The following EML6 variants were observed in gnomAD, a reference collection of about 807,000 sequenced individuals.
EML6 encodes the protein EMAP like 6, also known as echinoderm microtubule-associated protein-like 6.
In EML6, 154 loss-of-function variants were observed where a neutral mutation model predicts 240.1. That is an observed-to-expected ratio of 0.64 (90% CI 0.56 to 0.73). The LOEUF is 0.73. EML6 is among the 30% of genes least tolerant of loss of function. The probability of loss-of-function intolerance (pLI) is 0.00; values close to 1 mark genes in which losing one functional copy is unlikely to be tolerated. For missense variants in EML6, 2,964 were observed against 2,474.6 expected (o/e 1.20, Z -4.20); for synonymous variants, 1,148 against 899.0 (o/e 1.28, Z -4.95).
Position 54,955,996 on chromosome 2 carries a change from A to T in EML6, c.4487-1794A>T, listed in dbSNP as rs115343182. Among the ~76,000 whole-genome samples the T allele has an allele frequency of 5.0e-3, 749 of 150,354 alleles. 4 individuals are homozygous for T. The highest frequency in any genetic ancestry group is 8.2e-3 in the Non-Finnish European group (553 of 67,498). ...AGAGCCTATTATTCATTCTTCATTT[A>T]TTAGAGGATTGTTTTGGGGAACGTG... On this transcript the variant is annotated intron_variant, in intron 32 of 41. Transcript: ENST00000356458.
intron 28 of EML6, among the ~76,000 whole-genome samples, chr2:54,932,851 G>A (rs563051452): frequency 4.6e-5 from 7 of 152,188 alleles, no homozygotes; most frequent in East Asian, 1.9e-4. Context: ...TTCTTTTCAC[G>A]TTACCAAAGT....
At chr2:54,932,433 C>G (rs1000574383) in intron 28 of EML6, among the ~76,000 whole-genome samples, 1 of 152,188 alleles carries the variant, frequency 6.6e-6, no homozygotes, top group African/African-American at 2.4e-5. Context: ...TCCTTCATCC[C>G]CAGCCGACTT....
intron 28 of EML6, among the ~76,000 whole-genome samples, chr2:54,933,657 A>G (rs1414728099): frequency 1.3e-5 from 2 of 152,086 alleles, no homozygotes; most frequent in Non-Finnish European, 1.5e-5. Context: ...GCTTGAACCC[A>G]GGAGGCAGAG....
At chr2:54,868,636 C>G (rs1224753203) in intron 14 of EML6, 1 of 152,218 alleles carries the variant, frequency 6.6e-6, no homozygotes, top group Non-Finnish European at 1.5e-5. Flanking sequence ...TCCATTAAGT[C>G]TCTGTACAAT....
At chr2:54,786,245 G>A (rs1558546333) in intron 2 of EML6, among the ~76,000 whole-genome samples, 3 of 152,114 alleles carry the variant, frequency 2.0e-5, no homozygotes, top group Non-Finnish European at 4.4e-5. Flanking sequence ...TGTCTTCAAG[G>A]AGGGTCATTC....
intron 33 of EML6, among the ~76,000 whole-genome samples, chr2:54,958,256 A>G (rs1360093484): frequency 1.3e-5 from 2 of 152,120 alleles, no homozygotes; most frequent in African/African-American, 4.8e-5. Flanking sequence ...CAGTGGCGCA[A>G]TCTCGGCTCA....
intron 2 of EML6, among the ~76,000 whole-genome samples, chr2:54,726,265 T>A (rs1682903164): frequency 6.6e-6 from 1 of 152,242 alleles, no homozygotes; most frequent in African/African-American, 2.4e-5. Context: ...GTGTGTTTCA[T>A]TGATGTAGAA....
At chr2:54,852,078 T>C (rs1228945523) in intron 10 of EML6, among the ~76,000 whole-genome samples, 1 of 152,208 alleles carries the variant, frequency 6.6e-6, no homozygotes, top group Non-Finnish European at 1.5e-5. Context: ...TCTTCAAAGA[T>C]TTGAGGATCA....
chr2:54,898,632 G>A (rs1426970483), intron 21 of EML6, among the ~76,000 whole-genome samples: 1 of 152,182 alleles, frequency 6.6e-6, no homozygotes, highest in Non-Finnish European at 1.5e-5. Context: ...TAGCTTCTCA[G>A]TTAAATTGGA....
In EML6 at chr2:54,780,229, G is replaced by C. The variant is rs1256852960; in HGVS notation, c.198-33003G>C. 2.6e-5 allele frequency among the ~76,000 whole-genome samples: 4 copies of C among 152,202 alleles called. No individual in the cohort carries two copies. The East Asian group carries it at 5.8e-4, about 22-fold the overall frequency. On this transcript the variant is annotated intron_variant, in intron 2 of 41. Coordinates refer to ENST00000356458, the MANE Select transcript of EML6 (RefSeq NM_001039753.4). ...TTTACCCATTAGTATAATATCTATT[G>C]AAATGTAATTAGAAATGAATAATTA...
chr2:54,799,512 A>AT, intron 2 of EML6, among the ~76,000 whole-genome samples: 1 of 151,834 alleles, frequency 6.6e-6, no homozygotes, highest in Non-Finnish European at 1.5e-5. Flanking sequence ...CGCCCAGCTA[A>AT]TTTTTGTATT....
chr2:54,819,272 A>C (rs1405698352), intron 4 of EML6, among the ~76,000 whole-genome samples: 1 of 152,068 alleles, frequency 6.6e-6, no homozygotes, highest in Admixed American at 6.5e-5. Flanking sequence ...CCATGGATCT[A>C]CCTCCATCAG....
intron 28 of EML6, among the ~76,000 whole-genome samples, chr2:54,934,298 G>C (rs919766056): frequency 1.3e-5 from 2 of 152,076 alleles, no homozygotes; most frequent in Non-Finnish European, 2.9e-5. Context: ...CCTGTATTTT[G>C]TCATTCTCAT....
intron 28 of EML6, among the ~76,000 whole-genome samples, chr2:54,944,010 C>T (rs1175397909): frequency 6.6e-6 from 1 of 152,156 alleles, no homozygotes; most frequent in African/African-American, 2.4e-5. Context: ...GTGCCTCCCT[C>T]TCTCTTCTCA....
chr2:54,861,912 G>A (rs1347846797), intron 12 of EML6, among the ~76,000 whole-genome samples: 1 of 151,954 alleles, frequency 6.6e-6, no homozygotes, highest in Non-Finnish European at 1.5e-5. Context: ...ACCCAACAGG[G>A]AATTCAAAAT....
At chr2:54,783,306 ACT>A (rs1161275256) in intron 2 of EML6, among the ~76,000 whole-genome samples, 1 of 152,118 alleles carries the variant, frequency 6.6e-6, no homozygotes, top group African/African-American at 2.4e-5. Flanking sequence ...GTAATGAAAC[ACT>A]CTGTTATATT....
At chr2:54,935,126 T>G (rs768941751) in intron 28 of EML6, among the ~76,000 whole-genome samples, 1 of 152,206 alleles carries the variant, frequency 6.6e-6, no homozygotes, top group Non-Finnish European at 1.5e-5. Context: ...GCTTCGTGTT[T>G]AGGTTGTCAC....
At position 54,948,937 on chromosome 2, in the gene EML6, AC is replaced by A; in HGVS notation, c.4062del (p.Lys1357ArgfsTer9). The A allele has an allele frequency of 1.9e-6, 3 of 1,551,232 alleles. No individual in the cohort carries two copies. Among genetic ancestry groups the A allele is most frequent in the Non-Finnish European group, 2.6e-6 (3 of 1,146,744 alleles). On this transcript the variant is annotated frameshift_variant, in exon 29 of 42. Coordinates refer to ENST00000356458, the MANE Select transcript of EML6 (RefSeq NM_001039753.4). LOFTEE classifies it high-confidence loss of function. ...TGAGAAACTGCAGAAGAACAATATC[AC>A]CAAAAAAAAGAAACTGGTTGAGGTG... is the stretch of plus-strand genomic sequence containing the variant. ...QPEKLQKNNI[T>X]KKKKLVEELA...
chr2:54,837,057 C>T (rs1365364125), intron 7 of EML6, among the ~76,000 whole-genome samples: 1 of 152,048 alleles, frequency 6.6e-6, no homozygotes, highest in East Asian at 1.9e-4. Flanking sequence ...ACCAATACTC[C>T]CTCTTAAGTT....
Sources: gnomAD v4.1 joint callset for allele counts (sites outside exome capture counted in the v4.1 genomes callset) on GRCh38, gnomAD v4.1.1 for gene constraint, MANE v1.5 for transcripts, NCBI Gene and HGNC (gene_info 2026-07-23, HGNC 2026-07-21) for gene names.